The following CDH8 variants were observed in gnomAD, a reference collection of about 807,000 sequenced individuals.
CDH8 encodes cadherin 8, also known as cadherin-8.
CDH8 carries 17 observed loss-of-function variants against 68.1 expected under a neutral mutation model. That is an observed-to-expected ratio of 0.25 (90% CI 0.17 to 0.37). CDH8 has a LOEUF of 0.37. Ranked by LOEUF, CDH8 falls within the 10% of genes least tolerant of loss-of-function variation. The probability of loss-of-function intolerance (pLI) is 1.00; values close to 1 mark genes in which losing one functional copy is unlikely to be tolerated. For synonymous variants in CDH8, 372 were observed against 365.1 expected, an observed-to-expected ratio of 1.02 and a Z score of -0.21; for missense variants, 763 against 999.3, an observed-to-expected ratio of 0.76 and a Z score of 3.19.
intron 3 of CDH8, among the ~76,000 whole-genome samples, chr16:61,883,500 T>C (rs1963615950): frequency 6.6e-6 from 1 of 152,124 alleles, no homozygotes; most frequent in Admixed American, 6.6e-5. Context: ...ACATATATTT[T>C]ACATTTTATT....
At chr16:61,712,623 A>G (rs1333179443) in intron 10 of CDH8, among the ~76,000 whole-genome samples, 2 of 151,582 alleles carry the variant, frequency 1.3e-5, no homozygotes, top group Admixed American at 1.3e-4. Flanking sequence ...AACAATGACA[A>G]TGTACTTGGA....
intron 7 of CDH8, among the ~76,000 whole-genome samples, chr16:61,807,217 C>G (rs1961807698): frequency 6.6e-6 from 1 of 150,522 alleles, no homozygotes; most frequent in South Asian, 2.1e-4. Context: ...TAAACTATCA[C>G]AAGAACAAAA....
chr16:61,835,466 T>G (rs1962550177), intron 4 of CDH8, among the ~76,000 whole-genome samples: 1 of 151,970 alleles, frequency 6.6e-6, no homozygotes, highest in African/African-American at 2.4e-5. Flanking sequence ...AGTGACTTCG[T>G]GTAGACTGTT....
At chr16:61,784,846 A>G (rs368248223) in intron 8 of CDH8, among the ~76,000 whole-genome samples, 14 of 152,310 alleles carry the variant, frequency 9.2e-5, no homozygotes, top group East Asian at 5.8e-4. Context: ...TACTGGGTAC[A>G]TAATGAAATA....
chr16:61,717,365 G>A (rs1282795174), intron 9 of CDH8, among the ~76,000 whole-genome samples: 1 of 151,534 alleles, frequency 6.6e-6, no homozygotes, highest in Non-Finnish European at 1.5e-5. Flanking sequence ...TATTTCTTGA[G>A]ACTACAGATT....
intron 8 of CDH8, among the ~76,000 whole-genome samples, chr16:61,782,178 C>T (rs1300406593): frequency 6.6e-6 from 1 of 152,216 alleles, no homozygotes; most frequent in African/African-American, 2.4e-5. Flanking sequence ...TCTGAGGTAC[C>T]GGGTTCATCT....
chr16:61,886,983 T>C (rs1365688333), intron 3 of CDH8, among the ~76,000 whole-genome samples: 2 of 152,214 alleles, frequency 1.3e-5, no homozygotes, highest in Non-Finnish European at 2.9e-5. Context: ...ACTCAGCGGA[T>C]GTTGGACATT....
intron 2 of CDH8, among the ~76,000 whole-genome samples, chr16:61,956,011 A>G (rs973746113): frequency 2.6e-5 from 4 of 152,218 alleles, no homozygotes; most frequent in African/African-American, 9.6e-5. Context: ...ATTTACATTA[A>G]AATTATTAAG....
chr16:61,787,497 T>A (rs1442919977), intron 8 of CDH8, among the ~76,000 whole-genome samples: 2 of 141,110 alleles, frequency 1.4e-5, no homozygotes, highest in Admixed American at 1.4e-4. Context: ...TTGGTGGGAC[T>A]GGAAACTAGT....
chr16:61,849,772 G>A (rs1400428230), intron 4 of CDH8, among the ~76,000 whole-genome samples: 2 of 152,124 alleles, frequency 1.3e-5, no homozygotes, highest in African/African-American at 4.8e-5. Flanking sequence ...TGGTTTGTGT[G>A]GAACACAGCT....
intron 4 of CDH8, among the ~76,000 whole-genome samples, chr16:61,836,305 T>C (rs1597007214): frequency 6.6e-6 from 1 of 152,014 alleles, no homozygotes; most frequent in Non-Finnish European, 1.5e-5. Context: ...CTTCCAGTTG[T>C]TGTAAATAAC....
At chr16:61,761,064 T>G (rs1199953645) in intron 8 of CDH8, among the ~76,000 whole-genome samples, 1 of 152,196 alleles carries the variant, frequency 6.6e-6, no homozygotes, top group African/African-American at 2.4e-5. Flanking sequence ...TGACATTGAT[T>G]TTCTTATAAC....
chr16:61,702,240 C>T (rs528318354), intron 10 of CDH8, among the ~76,000 whole-genome samples: 10 of 152,208 alleles, frequency 6.6e-5, no homozygotes, highest in African/African-American at 2.2e-4. Context: ...GGAGTGGCGG[C>T]GGGTGCCTGT....
intron 2 of CDH8, among the ~76,000 whole-genome samples, chr16:61,955,602 T>A (rs2143608294): frequency 6.6e-6 from 1 of 152,288 alleles, no homozygotes; most frequent in African/African-American, 2.4e-5. Flanking sequence ...ACTTTCTTAA[T>A]TTTTTCTTTC....
chr16:61,840,710 A>G (rs1348257575), intron 4 of CDH8, among the ~76,000 whole-genome samples: 1 of 152,180 alleles, frequency 6.6e-6, no homozygotes, highest in African/African-American at 2.4e-5. Flanking sequence ...TATAAGTCGT[A>G]GATGAACAAT....
At chr16:61,654,249 A>G (rs761699197) in intron 11 of CDH8, 148 bp from the exon 12 acceptor site, 19 of 681,844 alleles carry the variant, frequency 2.8e-5, no homozygotes, top group Non-Finnish European at 3.9e-5. Context: ...TAAGCTAAAC[A>G]TCTTTCTGAA....
chr16:61,966,177 CAAG>C (rs1262250463), intron 2 of CDH8, among the ~76,000 whole-genome samples: 1 of 151,948 alleles, frequency 6.6e-6, no homozygotes, highest in African/African-American at 2.4e-5. Flanking sequence ...ATGCTTTTTT[CAAG>C]AAGACATAAA....
intron 8 of CDH8, among the ~76,000 whole-genome samples, chr16:61,787,727 G>T: frequency 6.7e-6 from 1 of 150,040 alleles, no homozygotes; most frequent in East Asian, 1.9e-4. Context: ...TTAAGAAAAT[G>T]TGGCACATAT....
chr16:61,668,506 A>C (rs2142772703), intron 10 of CDH8, among the ~76,000 whole-genome samples: 1 of 152,206 alleles, frequency 6.6e-6, no homozygotes, highest in African/African-American at 2.4e-5. Context: ...GCATTAACTA[A>C]CCCACTAAAG....
Sources: gnomAD v4.1 joint callset for allele counts (sites outside exome capture counted in the v4.1 genomes callset) on GRCh38, gnomAD v4.1.1 for gene constraint, MANE v1.5 for transcripts, NCBI Gene and HGNC (gene_info 2026-07-23, HGNC 2026-07-21) for gene names.